The following GRM7 variants were observed in gnomAD, a reference collection of about 807,000 sequenced individuals.
GRM7 encodes the protein metabotropic glutamate receptor 7.
Under a neutral mutation model 84.5 loss-of-function variants are expected in GRM7, and 35 were observed. The ratio of observed to expected loss-of-function variants is 0.41; its 90% CI spans 0.32 to 0.55. The LOEUF is 0.55. GRM7 is among the 20% of genes least tolerant of loss of function. The pLI, the probability that GRM7 is intolerant of heterozygous loss-of-function variation, is 0.19. For synonymous variants in GRM7, 487 were observed against 455.1 expected (o/e 1.07, Z -0.89); for missense variants, 1,003 against 1,194.6 (o/e 0.84, Z 2.36).
intron 5 of GRM7, among the ~76,000 whole-genome samples, chr3:7,431,786 A>G (rs1020623406): frequency 4.6e-5 from 7 of 152,238 alleles, no homozygotes; most frequent in African/African-American, 1.7e-4. Flanking sequence ...AGTACACTCT[A>G]TGAATATTGG....
intron 1 of GRM7, among the ~76,000 whole-genome samples, chr3:6,958,806 A>G (rs1424241963): frequency 6.6e-6 from 1 of 152,228 alleles, no homozygotes; most frequent in Non-Finnish European, 1.5e-5. Flanking sequence ...TACTTTATAC[A>G]GTTCAAATAA....
chr3:6,904,409 C>G (rs1696495440), intron 1 of GRM7, among the ~76,000 whole-genome samples: 1 of 152,128 alleles, frequency 6.6e-6, no homozygotes, highest in Admixed American at 6.6e-5. Flanking sequence ...TCTCATGCTT[C>G]AGTTTTCTCA....
At chr3:6,933,575 G>T (rs974143824) in intron 1 of GRM7, among the ~76,000 whole-genome samples, 1 of 152,052 alleles carries the variant, frequency 6.6e-6, no homozygotes, top group African/African-American at 2.4e-5. Flanking sequence ...ACTTGTTTAA[G>T]ATAAAACTAA....
chr3:6,953,950 G>C lies in GRM7; in HGVS notation c.519+92043G>C, dbSNP rs185977769. ...AAAGCAATTCATAATCAAAGCTCTTGTAATTATTAGTTAATGGTAGGATTT... is the reference window on the plus strand; with the variant it reads ...AAAGCAATTCATAATCAAAGCTCTTCTAATTATTAGTTAATGGTAGGATTT... On this transcript the variant is annotated intron_variant, in intron 1 of 9. Transcript: ENST00000357716. Among the ~76,000 whole-genome samples, 3 of 152,228 alleles carry C rather than the reference G, an allele frequency of 2.0e-5. No homozygotes were observed. In the East Asian group the frequency reaches 5.8e-4, roughly 29 times the overall value.
intron 9 of GRM7, among the ~76,000 whole-genome samples, chr3:7,720,337 T>G (rs1464232880): frequency 6.6e-6 from 1 of 152,152 alleles, no homozygotes; most frequent in Non-Finnish European, 1.5e-5. Context: ...CCATAACCAT[T>G]TCTCAAAATT....
intron 7 of GRM7, among the ~76,000 whole-genome samples, chr3:7,499,357 C>A (rs889536157): frequency 2.0e-5 from 3 of 152,132 alleles, no homozygotes; most frequent in African/African-American, 7.2e-5. Flanking sequence ...CAGTTTTAAA[C>A]GGAGATGGCA....
rs2124943734 is a variant in GRM7, at chr3:7,486,171, G to C, written c.1515+24449G>C. The stretch of plus-strand genomic sequence containing the variant: ...GAATATATTTCATTTTGCTCTAAAA[G>C]TAGAAAAGAACAAGTAAAATGTCAT... On this transcript the variant is annotated intron_variant, in intron 7 of 9. Transcript: ENST00000357716. The surrounding 1 kb of genome is among the most constrained non-coding windows in gnomAD (Gnocchi z 5.5). Among the ~76,000 whole-genome samples the C allele has an allele frequency of 6.6e-6, 1 of 152,240 alleles. No individual in the cohort carries two copies. The highest frequency in any genetic ancestry group is 6.5e-5 in the Admixed American group (1 of 15,290).
At chr3:7,055,770 C>T (rs1215163512) in intron 1 of GRM7, among the ~76,000 whole-genome samples, 1 of 152,090 alleles carries the variant, frequency 6.6e-6, no homozygotes, top group East Asian at 1.9e-4. Context: ...ATCTGCCTGC[C>T]TTGTCCTCCC....
intron 6 of GRM7, among the ~76,000 whole-genome samples, chr3:7,456,916 GA>G (rs560981294): frequency 4.6e-4 from 70 of 151,974 alleles, no homozygotes; most frequent in South Asian, 1.5e-3. Context: ...GCTTAGAGGG[GA>G]AAAAAACTTG....
intron 1 of GRM7, among the ~76,000 whole-genome samples, chr3:6,891,655 T>C (rs1482168505): frequency 6.6e-6 from 1 of 152,220 alleles, no homozygotes; most frequent in Non-Finnish European, 1.5e-5. Context: ...TCTCTCTGGC[T>C]GCCCTTAACA....
intron 9 of GRM7, among the ~76,000 whole-genome samples, chr3:7,694,719 C>CCAT (rs1559492374): frequency 6.6e-6 from 1 of 152,152 alleles, no homozygotes; most frequent in Non-Finnish European, 1.5e-5. Flanking sequence ...AACATTTTCA[C>CCAT]CATCATGGTT....
intron 7 of GRM7, among the ~76,000 whole-genome samples, chr3:7,503,957 T>C (rs1217920969): frequency 1.3e-5 from 2 of 152,182 alleles, no homozygotes; most frequent in Non-Finnish European, 2.9e-5. Context: ...GGATGGACAC[T>C]GGGAATATCA....
At chr3:7,276,777 TCC>T (rs1699075706) in intron 2 of GRM7, among the ~76,000 whole-genome samples, 1 of 3,100 alleles carries the variant, frequency 3.2e-4, no homozygotes, top group Admixed American at 3.7e-3. Context: ...CTTCCTTCCT[TCC>T]TTCCTTCCTT....
At chr3:7,628,749 G>A (rs774479748) in intron 8 of GRM7, among the ~76,000 whole-genome samples, 5 of 152,174 alleles carry the variant, frequency 3.3e-5, no homozygotes, top group Non-Finnish European at 5.9e-5. Context: ...GGAAGGATAA[G>A]AAGTGAAAGC....
intron 7 of GRM7, among the ~76,000 whole-genome samples, chr3:7,470,025 A>G (rs561216681): frequency 2.0e-5 from 3 of 152,198 alleles, no homozygotes; most frequent in Non-Finnish European, 2.9e-5. Context: ...CTCCCCATGC[A>G]GCAAAAGCTG....
chr3:7,434,277 C>T (rs1696951738), intron 5 of GRM7, among the ~76,000 whole-genome samples: 1 of 152,116 alleles, frequency 6.6e-6, no homozygotes, highest in Non-Finnish European at 1.5e-5. Flanking sequence ...TTTCTTATTT[C>T]AGTGCATTTT....
At chr3:7,649,226 C>A (rs776442582) in intron 8 of GRM7, among the ~76,000 whole-genome samples, 3 of 151,978 alleles carry the variant, frequency 2.0e-5, no homozygotes, top group Non-Finnish European at 4.4e-5. Flanking sequence ...CCCACTACCA[C>A]GCCCGGCTAA....
chr3:7,629,435 C>T (rs1296226499), intron 8 of GRM7, among the ~76,000 whole-genome samples: 3 of 152,168 alleles, frequency 2.0e-5, no homozygotes, highest in Non-Finnish European at 1.5e-5. Context: ...TGCCTTCTCA[C>T]TATGTCCTCA....
At chr3:7,329,908 A>ATTGT (rs1300346369) in intron 4 of GRM7, among the ~76,000 whole-genome samples, 71 of 151,802 alleles carry the variant, frequency 4.7e-4, no homozygotes, top group Non-Finnish European at 9.3e-4. Flanking sequence ...TTAATTTTCC[A>ATTGT]GTTGTGTAGA....
Sources: allele counts gnomAD v4.1 joint callset (sites outside exome capture counted in the v4.1 genomes callset), GRCh38; gene constraint gnomAD v4.1.1; non-coding constraint Gnocchi (gnomAD v3.1); transcripts MANE v1.5; gene names NCBI Gene and HGNC (gene_info 2026-07-23, HGNC 2026-07-21).